ZNF846: variants seen among roughly 807,000 people sequenced by gnomAD.
The protein encoded by ZNF846 is zinc finger protein 420 pseudogene.
In ZNF846, 15 loss-of-function variants were observed where a neutral mutation model predicts 16.0. The observed-to-expected ratio is 0.94, with a 90% confidence interval of 0.63 to 1.45. The LOEUF is 1.45. Among genes scored for constraint, ZNF846 ranks in the 40% most tolerant of loss-of-function variants. The pLI, the probability that ZNF846 is intolerant of heterozygous loss-of-function variation, is 0.00. For synonymous variants in ZNF846, 229 were observed against 212.0 expected, an observed-to-expected ratio of 1.08 and a Z score of -0.70; for missense variants, 714 against 622.3, an observed-to-expected ratio of 1.15 and a Z score of -1.57.
intron 1 of ZNF846, among the ~76,000 whole-genome samples, chr19:9,784,926 C>T (rs555316403): frequency 4.6e-5 from 7 of 152,320 alleles, no homozygotes; most frequent in Admixed American, 1.3e-4. Flanking sequence ...TACAGATTAA[C>T]AGCATCTCAA....
At chr19:9,770,601 C>T (rs1395495697), upstream of ZNF846, among the ~76,000 whole-genome samples, 17 of 151,698 alleles carry the variant, frequency 1.1e-4, no homozygotes. Context: ...GGTGCAGTGG[C>T]TCACACCTGT....
chr19:9,764,012 T>C (rs1266358898), intron 2 of ZNF846, among the ~76,000 whole-genome samples: 3 of 152,182 alleles, frequency 2.0e-5, no homozygotes, highest in Non-Finnish European at 2.9e-5. Flanking sequence ...GTGATGTGCT[T>C]CCCCCTGCAC....
chr19:9,755,171 A>AT (rs1555711101), downstream of ZNF846, among the ~76,000 whole-genome samples: 2 of 151,568 alleles, frequency 1.3e-5, no homozygotes, highest in African/African-American at 2.4e-5. Context: ...GGGATTAAAT[A>AT]TAACATCCTA....
chr19:9,783,536 A>T (rs1406563788), intron 1 of ZNF846, among the ~76,000 whole-genome samples: 15 of 108,344 alleles, frequency 1.4e-4, no homozygotes, highest in East Asian at 2.1e-4. Flanking sequence ...TAAAAAAAAA[A>T]AAAAAAAAAT....
chr19:9,760,223 G>A (rs1219640417), intron 4 of ZNF846, among the ~76,000 whole-genome samples: 2 of 151,256 alleles, frequency 1.3e-5, no homozygotes, highest in Non-Finnish European at 2.9e-5. Context: ...AACCCAGAGG[G>A]TGGAGGTTGC....
chr19:9,784,879 G>T (rs1436586604), intron 1 of ZNF846, among the ~76,000 whole-genome samples: 2 of 152,164 alleles, frequency 1.3e-5, no homozygotes, highest in African/African-American at 4.8e-5. Flanking sequence ...AGTCAACACA[G>T]CACATGTTTT....
Position 9,757,870 on chromosome 19 carries a change from A to G in ZNF846, c.1207T>C (p.Phe403Leu), listed in dbSNP as rs777058989. The change falls in exon 6 of 6, where the codon TTT becomes CTT. Residue 403 changes from phenylalanine to leucine, a missense_variant. Coordinates refer to ENST00000397902, the Ensembl canonical transcript of ZNF846. ...TGACTAAGCATTGAGGAATTATTAA[A>G]GGCTTTCCCACATTCTTTACATTCA... is the stretch of plus-strand genomic sequence containing the variant. The G allele has an allele frequency of 5.6e-6, 9 of 1,613,528 alleles. No homozygotes were observed. Among genetic ancestry groups the G allele is most frequent in the Middle Eastern group, 1.7e-4 (1 of 6,060 alleles).
intron 1 of ZNF846, among the ~76,000 whole-genome samples, chr19:9,778,622 T>C (rs774248749): frequency 6.6e-6 from 1 of 152,024 alleles, no homozygotes; most frequent in East Asian, 1.9e-4. Context: ...CTGGCTAACA[T>C]GGTGAAACCC....
chr19:9,775,246 A>G (rs2045428182), intron 1 of ZNF846, among the ~76,000 whole-genome samples: 1 of 151,702 alleles, frequency 6.6e-6, no homozygotes, highest in Admixed American at 6.6e-5. Context: ...TAAAAAACCA[A>G]ACTTTTTAAT....
chr19:9,772,484 C>T (rs539770472), upstream of ZNF846, among the ~76,000 whole-genome samples: 1 of 151,912 alleles, frequency 6.6e-6, no homozygotes, highest in African/African-American at 2.4e-5. Flanking sequence ...CCTGTAATCA[C>T]AGCTACTTAG....
downstream of ZNF846, among the ~76,000 whole-genome samples, chr19:9,755,151 G>T (rs1002995153): frequency 1.3e-5 from 2 of 151,328 alleles, no homozygotes; most frequent in Admixed American, 6.6e-5. Context: ...AGCATGGCCT[G>T]GTGACCACGG....
intron 1 of ZNF846, chr19:9,774,551 T>A: frequency 6.8e-7 from 1 of 1,480,528 alleles, no homozygotes; most frequent in East Asian, 2.3e-5. Flanking sequence ...AAATGTGGGA[T>A]GAAAAACTTC....
chr19:9,783,208 C>T (rs969068242), intron 1 of ZNF846, among the ~76,000 whole-genome samples: 2 of 146,840 alleles, frequency 1.4e-5, no homozygotes, highest in Non-Finnish European at 3.0e-5. Context: ...CTGGACTTCT[C>T]CCTATAATTC....
chr19:9,748,733 C>T (rs1002114306), downstream of ZNF846, among the ~76,000 whole-genome samples: 8 of 152,142 alleles, frequency 5.3e-5, no homozygotes, highest in Admixed American at 2.0e-4. Context: ...GTACTTTTAC[C>T]GTTTGCCCTC....
chr19:9,763,484 T>A (rs1230504553), intron 2 of ZNF846, 76 bp from the exon 3 acceptor site: 4 of 1,333,834 alleles, frequency 3.0e-6, no homozygotes, highest in Non-Finnish European at 3.0e-6. Context: ...CATGAAGGAC[T>A]AAGGAAGACT....
downstream of ZNF846, chr19:9,756,345 G>GTGTGTGTGTATA (rs1321690890): frequency 9.8e-5 from 8 of 81,762 alleles, no homozygotes; most frequent in African/African-American, 4.9e-4. Flanking sequence ...GTGTGTGTGT[G>GTGTGTGTGTATA]TATATATATA....
chr19:9,774,501 C>T, intron 1 of ZNF846: 13 of 1,049,112 alleles, frequency 1.2e-5, no homozygotes, highest in South Asian at 1.2e-4. Context: ...TCCAAGATGG[C>T]GGCCAGCAGG....
upstream of ZNF846, among the ~76,000 whole-genome samples, chr19:9,771,625 C>T (rs2045391540): frequency 6.6e-6 from 1 of 152,158 alleles, no homozygotes; most frequent in African/African-American, 2.4e-5. Context: ...CTATGACTTT[C>T]TTGCTTTTTA....
chr19:9,773,131 G>A (rs891263998), upstream of ZNF846, among the ~76,000 whole-genome samples: 2 of 152,186 alleles, frequency 1.3e-5, no homozygotes, highest in African/African-American at 2.4e-5. Context: ...CAAGTCATGT[G>A]ACTTTCTCCA....
Sources: allele counts gnomAD v4.1 joint callset (sites outside exome capture counted in the v4.1 genomes callset), GRCh38; gene constraint gnomAD v4.1.1; transcripts MANE v1.5; gene names NCBI Gene and HGNC (gene_info 2026-07-23, HGNC 2026-07-21).